Variants in RBFOX1 observed in about 807,000 individuals in gnomAD.
RBFOX1 encodes RNA binding fox-1 homolog 1.
RBFOX1 carries 8 observed loss-of-function variants against 57.7 expected under a neutral mutation model. That is an observed-to-expected ratio of 0.14 (90% CI 0.08 to 0.25). The LOEUF (loss-of-function observed/expected upper bound fraction) is 0.25. Ranked by LOEUF, RBFOX1 falls within the 10% of genes least tolerant of loss-of-function variation. The probability of loss-of-function intolerance (pLI) is 1.00; values close to 1 mark genes in which losing one functional copy is unlikely to be tolerated. For synonymous variants in RBFOX1, 326 were observed against 222.4 expected (o/e 1.47, Z -4.15); for missense variants, 611 against 548.5 (o/e 1.11, Z -1.14).
intron 14 of RBFOX1, among the ~76,000 whole-genome samples, chr16:7,692,784 C>A (rs1193204403): frequency 3.3e-5 from 5 of 151,980 alleles, no homozygotes; most frequent in Non-Finnish European, 7.4e-5. Context: ...TTTCAATTGA[C>A]AAGTTCTCTT....
chr16:6,790,721 C>A (rs920939564), intron 3 of RBFOX1, among the ~76,000 whole-genome samples: 1 of 152,098 alleles, frequency 6.6e-6, no homozygotes, highest in Non-Finnish European at 1.5e-5. Context: ...TCCATCCCTC[C>A]TCTTCTTCTT....
At chr16:5,655,889 A>G (rs2049411977) in intron 3 of RBFOX1, among the ~76,000 whole-genome samples, 1 of 152,244 alleles carries the variant, frequency 6.6e-6, no homozygotes, top group South Asian at 2.1e-4. Context: ...GTTTTAAAGC[A>G]TGTGCAATTG....
intron 4 of RBFOX1, among the ~76,000 whole-genome samples, chr16:7,075,275 A>G (rs542700840): frequency 6.9e-4 from 105 of 152,354 alleles, no homozygotes; most frequent in African/African-American, 2.0e-3. Context: ...ACCGTCTTCA[A>G]ATGCAAGCAG....
intron 3 of RBFOX1, among the ~76,000 whole-genome samples, chr16:7,007,566 T>C (rs1382485): frequency 0.76 from 115,289 of 152,128 alleles, 43,864 homozygotes; most frequent in East Asian, 0.92. Flanking sequence ...TTGCCTACTG[T>C]ACATTGTTAA....
At chr16:7,355,455 G>C (rs984002788) in intron 4 of RBFOX1, among the ~76,000 whole-genome samples, 1 of 152,234 alleles carries the variant, frequency 6.6e-6, no homozygotes, top group South Asian at 2.1e-4. Context: ...ACGATTTGGA[G>C]TGTGAGTCCG....
Position 6,945,806 on chromosome 16 carries a change from G to T in RBFOX1, c.-15-106251G>T, listed in dbSNP as rs530828481. Reference sequence around the variant, plus strand: ...CTTCGGAGGCCGAGACGGGAGAATCGCCTGAACCCAGGAGGCGGAGGTTGC... The same window carrying T: ...CTTCGGAGGCCGAGACGGGAGAATCTCCTGAACCCAGGAGGCGGAGGTTGC... On this transcript the variant is annotated intron_variant, in intron 3 of 15. Transcript: ENST00000550418. Among the ~76,000 whole-genome samples, 11 of 152,134 alleles carry T rather than the reference G, an allele frequency of 7.2e-5. No homozygotes were observed. In the East Asian group the frequency reaches 1.9e-3, roughly 27 times the overall value.
chr16:5,257,519 A>C (rs1272236222), intron 1 of RBFOX1, among the ~76,000 whole-genome samples: 1 of 152,080 alleles, frequency 6.6e-6, no homozygotes, highest in Admixed American at 6.5e-5. Flanking sequence ...AGAGATGAAT[A>C]CGTTTGGACC....
chr16:7,267,479 C>T (rs866767459), intron 4 of RBFOX1, among the ~76,000 whole-genome samples: 15 of 151,890 alleles, frequency 9.9e-5, no homozygotes, highest in Admixed American at 2.0e-4. Context: ...GAGGTTGCAG[C>T]GAGCCAAGGT....
At chr16:6,612,060 A>T (rs182481477) in intron 2 of RBFOX1, among the ~76,000 whole-genome samples, 34 of 152,226 alleles carry the variant, frequency 2.2e-4, no homozygotes, top group Non-Finnish European at 4.6e-4. Flanking sequence ...TTCTTGCATT[A>T]TTCTAATATA....
intron 4 of RBFOX1, among the ~76,000 whole-genome samples, chr16:7,466,302 T>G (rs186788802): frequency 3.7e-4 from 56 of 150,936 alleles, no homozygotes; most frequent in Non-Finnish European, 7.2e-4. Context: ...AGACCTATAC[T>G]ATTTAATAGA....
chr16:5,253,512 G>T (rs1305753629), intron 1 of RBFOX1, among the ~76,000 whole-genome samples: 1 of 152,138 alleles, frequency 6.6e-6, no homozygotes, highest in African/African-American at 2.4e-5. Context: ...TCTGTCCTGG[G>T]TATACTGAGC....
At chr16:5,812,201 A>C (rs185853456) in intron 3 of RBFOX1, among the ~76,000 whole-genome samples, 4 of 152,322 alleles carry the variant, frequency 2.6e-5, no homozygotes, top group Admixed American at 2.6e-4. Flanking sequence ...GTTGATAGAC[A>C]CTTGGTTTAT....
chr16:5,440,231 C>A (rs987434736), intron 1 of RBFOX1, among the ~76,000 whole-genome samples: 1 of 152,180 alleles, frequency 6.6e-6, no homozygotes, highest in Non-Finnish European at 1.5e-5. Flanking sequence ...CCTGGTAATT[C>A]TAGGATCTTT....
rs371130227 is a variant in RBFOX1, at chr16:6,208,859, C to G, written c.-126-108136C>G. ...GAGGTATAGCCTATGTGGTTTTCCC[C>G]AGTCCCCACCACTTCCTAGAGTGTT... On this transcript the variant is annotated intron_variant, in intron 1 of 15. Coordinates refer to ENST00000550418, the MANE Select transcript of RBFOX1 (RefSeq NM_018723.4). 3.3e-5 allele frequency among the ~76,000 whole-genome samples: 5 copies of G among 152,256 alleles called. No individual in the cohort carries two copies. In the South Asian group the frequency reaches 8.3e-4, roughly 25 times the overall value.
chr16:6,237,654 T>C (rs945831018), intron 1 of RBFOX1, among the ~76,000 whole-genome samples: 1 of 150,692 alleles, frequency 6.6e-6, no homozygotes, highest in Non-Finnish European at 1.5e-5. Context: ...GGGAAGAGAA[T>C]TGTTTGAACC....
At chr16:6,858,652 T>C (rs1434278570) in intron 3 of RBFOX1, among the ~76,000 whole-genome samples, 1 of 152,196 alleles carries the variant, frequency 6.6e-6, no homozygotes, top group African/African-American at 2.4e-5. Flanking sequence ...GACATATCAC[T>C]AATCTCTACT....
chr16:7,504,237 G>T (rs573568405), intron 4 of RBFOX1, among the ~76,000 whole-genome samples: 145 of 152,030 alleles, frequency 9.5e-4, no homozygotes, highest in African/African-American at 3.5e-3. Context: ...TCGGGCTGTG[G>T]GTTGCATTGA....
At chr16:7,566,536 G>A (rs1177347423) in intron 5 of RBFOX1, among the ~76,000 whole-genome samples, 1 of 152,098 alleles carries the variant, frequency 6.6e-6, no homozygotes, top group East Asian at 1.9e-4. Flanking sequence ...TGTGACTTCG[G>A]ACAGATCGCC....
chr16:7,207,199 C>T (rs1290735040), intron 4 of RBFOX1, among the ~76,000 whole-genome samples: 4 of 152,188 alleles, frequency 2.6e-5, no homozygotes, highest in South Asian at 2.1e-4. Flanking sequence ...ACCTTTGTGT[C>T]TTCCGTAGCT....
Sources: gnomAD v4.1 joint callset for allele counts (sites outside exome capture counted in the v4.1 genomes callset) on GRCh38, gnomAD v4.1.1 for gene constraint, MANE v1.5 for transcripts, NCBI Gene and HGNC (gene_info 2026-07-23, HGNC 2026-07-21) for gene names.